The following MTCL3 variants were observed in gnomAD, a reference collection of about 807,000 sequenced individuals.
MTCL3 encodes the protein MTCL family member 3, also known as microtubule cross-linking factor 3.
the MTCL3 span, among the ~76,000 whole-genome samples, chr6:127,473,816 A>G: frequency 6.6e-5 from 10 of 152,302 alleles, no homozygotes; most frequent in Non-Finnish European, 1.0e-4. Flanking sequence ...GGGTTCTCCA[A>G]TGGATACAGG....
chr6:127,515,764 C>T, the MTCL3 span: 1 of 1,603,414 alleles, frequency 6.2e-7, no homozygotes, highest in Non-Finnish European at 8.5e-7. This position sits in a 1 kb window ranked among gnomAD's most constrained non-coding sequence, Gnocchi z 4.3. Context: ...ACTGCTGCCG[C>T]CGCCGTTCTT....
At chr6:127,475,195 G>T in the MTCL3 span, 3 of 1,335,964 alleles carry the variant, frequency 2.2e-6, no homozygotes, top group Non-Finnish European at 3.0e-6. The surrounding 1 kb of genome is among the most constrained non-coding windows in gnomAD (Gnocchi z 7.3). Context: ...CTTCCCTCAA[G>T]CGGGGCGCGG....
At chr6:127,506,985 AT>A in the MTCL3 span, among the ~76,000 whole-genome samples, 1 of 152,204 alleles carries the variant, frequency 6.6e-6, no homozygotes, top group African/African-American at 2.4e-5. Flanking sequence ...ACATGGATAA[AT>A]TGCTAATCTC....
chr6:127,507,917 C>T, the MTCL3 span, among the ~76,000 whole-genome samples: 1 of 149,720 alleles, frequency 6.7e-6, no homozygotes, highest in African/African-American at 2.5e-5. Context: ...GGAAGAAAAG[C>T]TTTTCTATGC....
the MTCL3 span, among the ~76,000 whole-genome samples, chr6:127,491,613 T>G: frequency 2.6e-5 from 4 of 152,214 alleles, no homozygotes; most frequent in African/African-American, 9.6e-5. Context: ...ACTGCTGTGG[T>G]CTAAAACAGA....
At chr6:127,516,506 G>A in the MTCL3 span, 4 of 1,599,098 alleles carry the variant, frequency 2.5e-6, no homozygotes, top group Non-Finnish European at 3.4e-6. Context: ...TGAGCTCGCT[G>A]CTGCTTTCTG....
At chr6:127,485,516 A>G in the MTCL3 span, among the ~76,000 whole-genome samples, 1 of 152,298 alleles carries the variant, frequency 6.6e-6, no homozygotes, top group Admixed American at 6.5e-5. Flanking sequence ...TCATAATTAG[A>G]CTGTCATAGA....
At chr6:127,517,722 C>T in the MTCL3 span, 1 of 152,154 alleles carries the variant, frequency 6.6e-6, no homozygotes, top group South Asian at 2.1e-4. Context: ...GATCAATTTC[C>T]AGTATGTGTA....
At chr6:127,479,708 A>G in the MTCL3 span, among the ~76,000 whole-genome samples, 1 of 152,218 alleles carries the variant, frequency 6.6e-6, no homozygotes, top group Non-Finnish European at 1.5e-5. Context: ...ATTAGGAGGG[A>G]AAGAGCTGCA....
At chr6:127,516,655 C>T in the MTCL3 span, 2 of 1,565,362 alleles carry the variant, frequency 1.3e-6, no homozygotes, top group South Asian at 1.1e-5. Context: ...GAGCCCATTA[C>T]TAGATCATCC....
the MTCL3 span, among the ~76,000 whole-genome samples, chr6:127,506,181 G>T: frequency 6.6e-6 from 1 of 152,090 alleles, no homozygotes; most frequent in Admixed American, 6.5e-5. Context: ...ATGAAAAAAT[G>T]ACTATTATCT....
chr6:127,479,015 TA>T, the MTCL3 span, among the ~76,000 whole-genome samples: 3,096 of 52,346 alleles, frequency 0.059, 36 homozygotes, highest in African/African-American at 0.095. Context: ...AGACTCCATC[TA>T]AAAAAAAAAA....
chr6:127,483,451 A>G, the MTCL3 span, among the ~76,000 whole-genome samples: 276 of 152,268 alleles, frequency 1.8e-3, no homozygotes, highest in Middle Eastern at 6.8e-3. Flanking sequence ...CTCACCACAC[A>G]TCACCCCCTT....
At chr6:127,484,549 G>A in the MTCL3 span, among the ~76,000 whole-genome samples, 1 of 152,146 alleles carries the variant, frequency 6.6e-6, no homozygotes, top group African/African-American at 2.4e-5. Context: ...CGTTGAATTT[G>A]TTTCACTAAA....
At chr6:127,475,948 T>C in the MTCL3 span, 3 of 1,612,504 alleles carry the variant, frequency 1.9e-6, no homozygotes, top group South Asian at 2.2e-5. The surrounding 1 kb of genome is among the most constrained non-coding windows in gnomAD (Gnocchi z 7.3). Flanking sequence ...GGCGTTGTCG[T>C]GGTGCCGCGC....
At chr6:127,478,254 G>A in the MTCL3 span, among the ~76,000 whole-genome samples, 2 of 152,180 alleles carry the variant, frequency 1.3e-5, no homozygotes, top group Non-Finnish European at 1.5e-5. Flanking sequence ...CCAATAGCAA[G>A]GATAGAGAAT....
chr6:127,510,052 C>T, the MTCL3 span, among the ~76,000 whole-genome samples: 9,813 of 152,086 alleles, frequency 0.065, 372 homozygotes, highest in East Asian at 0.11. Context: ...GTTTATCTTC[C>T]ACTCTTTCTC....
the MTCL3 span, among the ~76,000 whole-genome samples, chr6:127,503,310 C>T: frequency 6.6e-6 from 1 of 152,146 alleles, no homozygotes; most frequent in African/African-American, 2.4e-5. Context: ...AGGCTATTAA[C>T]AACATAATTA....
At chr6:127,509,914 T>C in the MTCL3 span, among the ~76,000 whole-genome samples, 3 of 152,344 alleles carry the variant, frequency 2.0e-5, no homozygotes, top group Non-Finnish European at 4.4e-5. Context: ...AACATATTGT[T>C]AAACTACTTT....
Sources: allele counts gnomAD v4.1 joint callset (sites outside exome capture counted in the v4.1 genomes callset), GRCh38; gene constraint gnomAD v4.1.1; non-coding constraint Gnocchi (gnomAD v3.1); transcripts MANE v1.5; gene names NCBI Gene and HGNC (gene_info 2026-07-23, HGNC 2026-07-21).